LIMCH1: variants seen among roughly 807,000 people sequenced by gnomAD.
The protein encoded by LIMCH1 is LIM and calponin homology domains 1.
A neutral mutation model predicts 176.5 loss-of-function variants in LIMCH1; 113 were observed. The observed-to-expected ratio is 0.64, with a 90% confidence interval of 0.55 to 0.75. LIMCH1 has a LOEUF of 0.75. Among genes scored for constraint, LIMCH1 ranks in the 30% least tolerant of loss-of-function variants. The pLI is 0.00. For synonymous variants in LIMCH1, 619 were observed against 645.9 expected, an observed-to-expected ratio of 0.96 and a Z score of 0.63; for missense variants, 1,674 against 1,814.9, an observed-to-expected ratio of 0.92 and a Z score of 1.41.
intron 1 of LIMCH1, among the ~76,000 whole-genome samples, chr4:41,584,891 G>A (rs2086170020): frequency 1.3e-5 from 2 of 152,136 alleles, no homozygotes; most frequent in African/African-American, 4.8e-5. Context: ...TGGAGGCTGG[G>A]AAGTCCAAGA....
chr4:41,561,558 A>G (rs2152555077), intron 1 of LIMCH1, among the ~76,000 whole-genome samples: 1 of 152,320 alleles, frequency 6.6e-6, no homozygotes, highest in Non-Finnish European at 1.5e-5. Flanking sequence ...AGTCTTGTTT[A>G]TGGTTTTCAA....
At chr4:41,668,873 G>A (rs2094922320) in intron 21 of LIMCH1, among the ~76,000 whole-genome samples, 1 of 152,180 alleles carries the variant, frequency 6.6e-6, no homozygotes, top group Admixed American at 6.5e-5. Flanking sequence ...GAGAGCTTGT[G>A]TAGGGAAACT....
At chr4:41,382,066 A>G (rs145976820) in intron 1 of LIMCH1, among the ~76,000 whole-genome samples, 1 of 152,228 alleles carries the variant, frequency 6.6e-6, no homozygotes, top group Non-Finnish European at 1.5e-5. Flanking sequence ...TCCAGCTAAG[A>G]TCAGCAGTGC....
In LIMCH1 at chr4:41,619,174, C is replaced by T; in HGVS notation, c.206-14C>T. On this transcript the variant is annotated splice_polypyrimidine_tract_variant and intron_variant, in intron 5 of 31. Transcript: ENST00000503057. Reference sequence around the variant, plus strand: ...CCTAACACACTTTCTCAGTACCCATCCTCTCTTCCCTAGGGAGAGGAAGCG... The same window carrying T: ...CCTAACACACTTTCTCAGTACCCATTCTCTCTTCCCTAGGGAGAGGAAGCG... 3 of 1,613,982 alleles carry T rather than the reference C, an allele frequency of 1.9e-6. No homozygotes were observed. Among genetic ancestry groups the T allele is most frequent in the African/African-American group, 1.3e-5 (1 of 75,030 alleles).
At chr4:41,527,149 T>C (rs752910404) in intron 3 of LIMCH1, among the ~76,000 whole-genome samples, 4 of 152,240 alleles carry the variant, frequency 2.6e-5, no homozygotes, top group Non-Finnish European at 4.4e-5. Context: ...AAACCTTTAG[T>C]ATTTATAGTC....
chr4:41,405,506 T>C (rs1013655705), intron 1 of LIMCH1, among the ~76,000 whole-genome samples: 3 of 152,136 alleles, frequency 2.0e-5, no homozygotes, highest in African/African-American at 7.2e-5. Flanking sequence ...CTTGGTCTTG[T>C]GTATTTCCAT....
intron 9 of LIMCH1, among the ~76,000 whole-genome samples, chr4:41,630,861 T>C (rs1396078427): frequency 1.3e-5 from 2 of 152,246 alleles, no homozygotes; most frequent in Non-Finnish European, 2.9e-5. Flanking sequence ...AACGTAAGCA[T>C]ACCTTATACG....
chr4:41,460,531 A>G (rs1002656444), intron 1 of LIMCH1, among the ~76,000 whole-genome samples: 2 of 146,784 alleles, frequency 1.4e-5, no homozygotes, highest in South Asian at 4.4e-4. Context: ...ATTTTTTTTA[A>G]GTTGTTTGTC....
chr4:41,378,168 C>G (rs1433252913), intron 1 of LIMCH1, among the ~76,000 whole-genome samples: 1 of 152,146 alleles, frequency 6.6e-6, no homozygotes, highest in Non-Finnish European at 1.5e-5. Flanking sequence ...AGCAGCAGAG[C>G]TGGGACATAG....
At chr4:41,409,520 A>G (rs1440294933) in intron 1 of LIMCH1, among the ~76,000 whole-genome samples, 1 of 152,222 alleles carries the variant, frequency 6.6e-6, no homozygotes, top group Non-Finnish European at 1.5e-5. Context: ...CTGTTTTATT[A>G]ATCTTTTAAG....
intron 1 of LIMCH1, among the ~76,000 whole-genome samples, chr4:41,540,439 G>A (rs915012807): frequency 6.6e-6 from 1 of 152,148 alleles, no homozygotes; most frequent in African/African-American, 2.4e-5. Context: ...AATAATTTGA[G>A]AATAAAAGAA....
intron 4 of LIMCH1, chr4:41,613,050 T>C (rs200015898): frequency 6.4e-7 from 1 of 1,552,166 alleles, no homozygotes; most frequent in Non-Finnish European, 8.7e-7. Flanking sequence ...AACCAGGGGC[T>C]CATTCCCAGG....
At chr4:41,476,956 A>G (rs1286347662) in intron 1 of LIMCH1, among the ~76,000 whole-genome samples, 2 of 152,202 alleles carry the variant, frequency 1.3e-5, no homozygotes, top group South Asian at 2.1e-4. Context: ...TTCTTATTAC[A>G]CATTTTGAGG....
At chr4:41,661,184 G>A (rs893431909) in intron 18 of LIMCH1, among the ~76,000 whole-genome samples, 3 of 152,126 alleles carry the variant, frequency 2.0e-5, no homozygotes, top group Non-Finnish European at 4.4e-5. Context: ...TGGGATGTGC[G>A]TCCAAGGCAG....
In LIMCH1 at chr4:41,631,478, G is replaced by A; in HGVS notation, c.1601+1G>A. ...TATTTAATCGACAAAATGACTGCAG[G>A]TATTTTTTGCCATACGTGTGCAAGG... is the stretch of plus-strand genomic sequence containing the variant. On this transcript the variant is annotated splice_donor_variant, in intron 10 of 31. Transcript: ENST00000503057. LOFTEE classifies it high-confidence loss of function. 6.6e-7 allele frequency: 1 copy of A among 1,503,832 alleles called. No homozygotes were observed. Among genetic ancestry groups the A allele is most frequent in the Non-Finnish European group, 8.8e-7 (1 of 1,131,898 alleles). 93.2% of individuals were successfully genotyped at this position (1,503,832 alleles called of 1,614,324 possible). A position where few individuals can be genotyped will look rare whatever the true frequency, so the allele number is the denominator to read the frequency against.
chr4:41,550,029 G>A (rs1001344681), intron 1 of LIMCH1, among the ~76,000 whole-genome samples: 1 of 151,458 alleles, frequency 6.6e-6, no homozygotes, highest in African/African-American at 2.4e-5. Context: ...AAGTAATGGC[G>A]AAAACCACAA....
intron 1 of LIMCH1, among the ~76,000 whole-genome samples, chr4:41,427,965 G>T (rs571628197): frequency 7.3e-5 from 11 of 150,076 alleles, no homozygotes; most frequent in African/African-American, 2.4e-4. Flanking sequence ...AAAAGAAGAA[G>T]AATTTACTGG....
intron 1 of LIMCH1, among the ~76,000 whole-genome samples, chr4:41,472,356 C>T (rs2067099156): frequency 6.6e-6 from 1 of 150,476 alleles, no homozygotes; most frequent in African/African-American, 2.4e-5. Flanking sequence ...CTCCCTGCCC[C>T]TCCCTTCCTC....
At chr4:41,476,420 G>A (rs140759990) in intron 1 of LIMCH1, among the ~76,000 whole-genome samples, 3 of 152,188 alleles carry the variant, frequency 2.0e-5, no homozygotes, top group Non-Finnish European at 4.4e-5. Flanking sequence ...TGGAGGTAAG[G>A]AGAGCCAAAT....
Sources: allele counts gnomAD v4.1 joint callset (sites outside exome capture counted in the v4.1 genomes callset), GRCh38; gene constraint gnomAD v4.1.1; transcripts MANE v1.5; gene names NCBI Gene and HGNC (gene_info 2026-07-23, HGNC 2026-07-21).